The following DNAJC13 variants were observed in gnomAD, a reference collection of about 807,000 sequenced individuals.
DNAJC13 encodes the protein DnaJ heat shock protein family (Hsp40) member C13.
DNAJC13 carries 75 observed loss-of-function variants against 290.5 expected under a neutral mutation model. That is an observed-to-expected ratio of 0.26 (90% CI 0.21 to 0.31). DNAJC13 has a LOEUF of 0.31. DNAJC13 is among the 10% of genes least tolerant of loss of function. The pLI, the probability that DNAJC13 is intolerant of heterozygous loss-of-function variation, is 1.00. For synonymous variants in DNAJC13, 862 were observed against 892.0 expected (o/e 0.97, Z 0.60); for missense variants, 2,260 against 2,674.5 (o/e 0.85, Z 3.42).
intron 29 of DNAJC13, among the ~76,000 whole-genome samples, chr3:132,487,822 G>C (rs1934931489): frequency 6.6e-6 from 1 of 152,000 alleles, no homozygotes; most frequent in South Asian, 2.1e-4. Context: ...CCTGGTAGCA[G>C]ATGTACTACC....
intron 20 of DNAJC13, among the ~76,000 whole-genome samples, chr3:132,470,809 C>A (rs1934199886): frequency 7.5e-6 from 1 of 133,930 alleles, no homozygotes; most frequent in African/African-American, 2.9e-5. Flanking sequence ...CCCCCACCTC[C>A]CTCCTGGACA....
intron 28 of DNAJC13, among the ~76,000 whole-genome samples, chr3:132,484,129 C>G (rs1276568005): frequency 6.6e-6 from 1 of 152,186 alleles, no homozygotes; most frequent in African/African-American, 2.4e-5. Flanking sequence ...TTTTAAAACA[C>G]TTGAAGTTTT....
intron 2 of DNAJC13, among the ~76,000 whole-genome samples, chr3:132,444,269 C>T (rs1933172604): frequency 6.6e-6 from 1 of 152,200 alleles, no homozygotes; most frequent in South Asian, 2.1e-4. Flanking sequence ...AAGCCAGTCC[C>T]TGGTGCTAAA....
At chr3:132,529,553 C>T (rs368553007) in intron 54 of DNAJC13, among the ~76,000 whole-genome samples, 19 of 152,166 alleles carry the variant, frequency 1.2e-4, no homozygotes, top group African/African-American at 3.6e-4. Flanking sequence ...TTTGGGAGGC[C>T]GAGGCGGGTG....
intron 15 of DNAJC13, among the ~76,000 whole-genome samples, chr3:132,462,061 C>G (rs935716031): frequency 6.6e-6 from 1 of 152,108 alleles, no homozygotes; most frequent in African/African-American, 2.4e-5. Flanking sequence ...TACAAATTCC[C>G]AAATGATAAA....
intron 13 of DNAJC13, 167 bp downstream of exon 13, chr3:132,457,535 T>C (rs1933652429): frequency 1.8e-6 from 1 of 570,268 alleles, no homozygotes; most frequent in East Asian, 2.9e-5. Context: ...TACCAGGCAA[T>C]GTGCTGTGTG....
At chr3:132,460,008 G>A (rs1046701398) in intron 13 of DNAJC13, among the ~76,000 whole-genome samples, 2 of 152,206 alleles carry the variant, frequency 1.3e-5, no homozygotes, top group Non-Finnish European at 2.9e-5. Flanking sequence ...ACTTTTGAGA[G>A]AGTACCTTTT....
intron 2 of DNAJC13, among the ~76,000 whole-genome samples, chr3:132,441,250 A>C (rs1933060017): frequency 6.6e-6 from 1 of 152,184 alleles, no homozygotes; most frequent in African/African-American, 2.4e-5. Context: ...CAGCAGGTAA[A>C]ATTTGTGGGG....
In DNAJC13 at chr3:132,502,376, G is replaced by A. The variant is rs1469701847; in HGVS notation, c.4624G>A (p.Gly1542Arg). ...FWLQTHLFQA[G>R]ILWYLLGFLF... The stretch of plus-strand genomic sequence containing the variant: ...GCTACAGACACACCTATTTCAGGCT[G>A]GAATTTTGTGGTATCTCCTTGGTTT... Residue 1542 changes from glycine (G) to arginine (R), a missense_variant, in exon 40 of 56, where the codon GGA (glycine) becomes AGA (arginine). Gly to Arg is a moderately radical substitution (Grantham distance 125). Around this residue, in one of 3 missense-constraint regions of DNAJC13, gnomAD observed 1,494 missense variants for 1,693.7 expected, o/e 0.88. Transcript: ENST00000260818. 6.2e-7 allele frequency: 1 copy of A among 1,613,906 alleles called. No individual in the cohort carries two copies. Among genetic ancestry groups the A allele is most frequent in the African/African-American group, 1.3e-5 (1 of 74,966 alleles).
At position 132,434,540 on chromosome 3, in the gene DNAJC13, T is replaced by C. The variant is rs927478844; in HGVS notation, c.-11T>C. 5 of 1,609,180 alleles carry C rather than the reference T, an allele frequency of 3.1e-6. No homozygotes were observed. The highest frequency in any genetic ancestry group is 4.2e-6 in the Non-Finnish European group (5 of 1,177,254). On this transcript the variant is annotated splice_region_variant and 5_prime_UTR_variant, in exon 2 of 56. Transcript: ENST00000260818. ...GCCCTCATATTTTTATCTTCCAGGT[T>C]TGAGCACAAAATGAACATAATTAGG...
chr3:132,508,294 A>G (rs1243379900), intron 43 of DNAJC13, among the ~76,000 whole-genome samples: 1 of 152,244 alleles, frequency 6.6e-6, no homozygotes, highest in Non-Finnish European at 1.5e-5. Flanking sequence ...GCAAGTGCTG[A>G]TGGAGAAGCT....
Position 132,523,695 on chromosome 3 carries a change from A to C in DNAJC13, c.6042A>C (p.Leu2014=). The C allele has an allele frequency of 6.2e-7, 1 of 1,613,766 alleles. No homozygotes were observed. The highest frequency in any genetic ancestry group is 8.5e-7 in the Non-Finnish European group (1 of 1,179,846). ...IALLEKLTEL[L]EKNNPHGETL... is the part of the protein sequence containing the mutation. ...TGTTAGAAAAATTAACTGAGCTCCT[A>C]GAGAAGAACAATCCTCATGTAAGCT... Residue 2014 remains leucine, a synonymous_variant, in exon 51 of 56, where the codon CTA becomes CTC. Coordinates refer to ENST00000260818, the MANE Select transcript of DNAJC13 (RefSeq NM_015268.4).
intron 20 of DNAJC13, chr3:132,472,681 TTGAATGTAG>T: frequency 1.3e-6 from 1 of 784,014 alleles, no homozygotes; most frequent in South Asian, 5.8e-5. Context: ...TCACATGTGT[TTGAATGTAG>T]ACACATTTCT....
chr3:132,514,887 ACCAAAGG>A, intron 46 of DNAJC13: 1 of 386,990 alleles, frequency 2.6e-6, no homozygotes, highest in Admixed American at 4.9e-5. Context: ...GAGGTCCAAA[ACCAAAGG>A]AAAATAACCT....
Position 132,492,473 on chromosome 3 carries a change from G to C in DNAJC13, c.3683G>C (p.Ser1228Thr). ...GCGGATTTCACACCTCGTCTTCAGA[G>C]TAACACAAGAGCACTTTATCAGTAT... ...HLADFTPRLQSNTRALYQYCP... is the reference protein window; with the variant it reads ...HLADFTPRLQTNTRALYQYCP... The change falls in exon 33 of 56, where the codon AGT (serine) becomes ACT (threonine). Residue 1228 changes from serine to threonine, a missense_variant. Physicochemically the swap from Ser to Thr is moderately conservative, Grantham distance 58. Transcript: ENST00000260818. The C allele has an allele frequency of 1.2e-6, 2 of 1,613,866 alleles. No homozygotes were observed. Among genetic ancestry groups the C allele is most frequent in the Non-Finnish European group, 8.5e-7 (1 of 1,179,852 alleles).
At chr3:132,448,691 T>C (rs974736439) in intron 5 of DNAJC13, among the ~76,000 whole-genome samples, 1 of 152,172 alleles carries the variant, frequency 6.6e-6, no homozygotes. Context: ...GGCAGCACCA[T>C]TCTCCTGTCT....
chr3:132,532,940 G>T (rs1207008974), intron 55 of DNAJC13, among the ~76,000 whole-genome samples: 1 of 67,278 alleles, frequency 1.5e-5, no homozygotes, highest in African/African-American at 1.2e-4. Context: ...TATTATTTTA[G>T]TAGAGACGGA....
At chr3:132,512,689 G>A (rs12163639) in intron 44 of DNAJC13, among the ~76,000 whole-genome samples, 14,056 of 152,190 alleles carry the variant, frequency 0.092, 808 homozygotes, top group South Asian at 0.14. Flanking sequence ...AGGTCTAGAG[G>A]TAGAGTGAAA....
In DNAJC13 at chr3:132,471,739, G is replaced by A. The variant is rs1344595843; in HGVS notation, c.2209-1406G>A. Among the ~76,000 whole-genome samples, 11 of 129,154 alleles carry A rather than the reference G, an allele frequency of 8.5e-5. 1 individual carries two copies. Among genetic ancestry groups the A allele is most frequent in the South Asian group, 2.8e-4 (1 of 3,516 alleles). 84.7% of individuals were successfully genotyped at this position (129,154 alleles called of 152,430 possible). A position where few individuals can be genotyped will look rare whatever the true frequency, so the allele number is the denominator to read the frequency against. The stretch of plus-strand genomic sequence containing the variant: ...TTCCTAGATGGGATGGCGGCCGGGC[G>A]GAGACGCTCCTCACTTTCCAGACTG... On this transcript the variant is annotated intron_variant, in intron 20 of 55. Transcript: ENST00000260818.
Sources: gnomAD v4.1 joint callset for allele counts (sites outside exome capture counted in the v4.1 genomes callset) on GRCh38, gnomAD v4.1.1 for gene constraint, gnomAD v4.1.1 regional missense constraint, MANE v1.5 for transcripts, NCBI Gene and HGNC (gene_info 2026-07-23, HGNC 2026-07-21) for gene names.